Variants in PCDHA7 observed in about 807,000 individuals in gnomAD.
PCDHA7 encodes the protein protocadherin alpha-7.
In PCDHA7, 37 loss-of-function variants were observed where a neutral mutation model predicts 57.2. The ratio of observed to expected loss-of-function variants is 0.65; its 90% CI spans 0.50 to 0.85. The LOEUF (loss-of-function observed/expected upper bound fraction) is 0.85. PCDHA7 is among the 40% of genes least tolerant of loss of function. PCDHA7 has a pLI of 0.00. For missense variants in PCDHA7, 1,188 were observed against 1,241.8 expected, an observed-to-expected ratio of 0.96 and a Z score of 0.65; for synonymous variants, 553 against 558.8, an observed-to-expected ratio of 0.99 and a Z score of 0.15.
chr5:140,839,001 C>T (rs1775989279), intron 1 of PCDHA7, among the ~76,000 whole-genome samples: 1 of 151,970 alleles, frequency 6.6e-6, no homozygotes, highest in Admixed American at 6.6e-5. Context: ...TTCTAATATA[C>T]TTTAGTAAAT....
intron 1 of PCDHA7, chr5:140,858,397 CG>C (rs1314612729): frequency 2.5e-6 from 4 of 1,573,068 alleles, no homozygotes; most frequent in African/African-American, 2.7e-5. Context: ...TAGATGTGGA[CG>C]GGGAAGATCA....
intron 3 of PCDHA7, among the ~76,000 whole-genome samples, chr5:141,007,672 A>G (rs782403242): frequency 6.6e-6 from 1 of 152,194 alleles, no homozygotes; most frequent in African/African-American, 2.4e-5. Context: ...TACAAAGACA[A>G]AAGTTATCCT....
chr5:140,877,057 G>C, intron 1 of PCDHA7: 1 of 1,612,862 alleles, frequency 6.2e-7, no homozygotes. Flanking sequence ...CGAGGAGCTG[G>C]AGCTGCTGCA....
At chr5:140,968,124 G>T (rs202202452) in intron 1 of PCDHA7, 1 of 1,614,126 alleles carries the variant, frequency 6.2e-7, no homozygotes, top group Non-Finnish European at 8.5e-7. Flanking sequence ...ACATCCCTGC[G>T]TACACTGAAG....
At chr5:140,860,726 G>T (rs73263824) in intron 1 of PCDHA7, 23,037 of 152,060 alleles carry the variant, frequency 0.15, 1,806 homozygotes, top group Middle Eastern at 0.2. Context: ...AGTTTTTTTG[G>T]TTTTTTTGTT....
intron 2 of PCDHA7, 179 bp from the exon 3 acceptor site, chr5:140,982,296 C>G (rs886254601): frequency 8.6e-7 from 1 of 1,167,014 alleles, no homozygotes; most frequent in African/African-American, 1.5e-5. Context: ...AGTAAGTCAG[C>G]AATGCTTCTG....
chr5:140,856,155 A>G (rs533990024), intron 1 of PCDHA7: 1 of 1,598,294 alleles, frequency 6.3e-7, no homozygotes, highest in African/African-American at 1.3e-5. Context: ...TCAGTCTACG[A>G]GGAGGCCAGA....
At chr5:140,905,351 TTGACTA>T (rs2071764307) in intron 1 of PCDHA7, among the ~76,000 whole-genome samples, 1 of 152,208 alleles carries the variant, frequency 6.6e-6, no homozygotes, top group Non-Finnish European at 1.5e-5. Context: ...CTGTAAGTAT[TTGACTA>T]TATTTCTGGT....
chr5:140,949,591 T>A (rs1279124605), intron 1 of PCDHA7, among the ~76,000 whole-genome samples: 2 of 151,928 alleles, frequency 1.3e-5, no homozygotes, highest in Non-Finnish European at 2.9e-5. Flanking sequence ...GTGATATTAA[T>A]GTGGCCATTC....
chr5:140,850,953 C>A (rs2150503765), intron 1 of PCDHA7: 2 of 1,483,986 alleles, frequency 1.3e-6, no homozygotes, highest in Non-Finnish European at 1.8e-6. Context: ...TTATCGATTA[C>A]TCCCAGGGGC....
chr5:140,891,688 T>G (rs2063203967), intron 1 of PCDHA7, among the ~76,000 whole-genome samples: 1 of 152,224 alleles, frequency 6.6e-6, no homozygotes, highest in Non-Finnish European at 1.5e-5. Flanking sequence ...TCTCTCTTCT[T>G]GCTGTTGTCT....
chr5:141,005,000 G>A (rs2098192261), intron 3 of PCDHA7, among the ~76,000 whole-genome samples: 1 of 152,176 alleles, frequency 6.6e-6, no homozygotes, highest in Non-Finnish European at 1.5e-5. Context: ...GGTCTCCTAA[G>A]CCCTGAGAGC....
intron 1 of PCDHA7, chr5:140,853,184 T>G (rs1229624873): frequency 1.0e-6 from 1 of 977,906 alleles, no homozygotes; most frequent in East Asian, 1.1e-4. Context: ...TGGCCTAAAA[T>G]GTGTTCTTTA....
intron 1 of PCDHA7, among the ~76,000 whole-genome samples, chr5:140,963,688 G>A (rs185853589): frequency 5.9e-5 from 9 of 152,274 alleles, no homozygotes; most frequent in Admixed American, 5.9e-4. Context: ...GTTTATCCGT[G>A]TTTGATATCT....
intron 1 of PCDHA7, among the ~76,000 whole-genome samples, chr5:140,919,795 A>T (rs1554199259): frequency 6.6e-6 from 1 of 152,070 alleles, no homozygotes; most frequent in Non-Finnish European, 1.5e-5. Flanking sequence ...CTTGTGGTGG[A>T]TTGAATTGTG....
intron 1 of PCDHA7, chr5:140,870,842 T>G (rs781830221): frequency 6.2e-7 from 1 of 1,613,798 alleles, no homozygotes; most frequent in Non-Finnish European, 8.5e-7. Flanking sequence ...AACAAGCTAG[T>G]ACCGCGGTCG....
At chr5:140,877,696 T>C (rs1554169994) in intron 1 of PCDHA7, 1 of 1,613,838 alleles carries the variant, frequency 6.2e-7, no homozygotes, top group South Asian at 1.1e-5. Flanking sequence ...GCTGGTGTGC[T>C]CCAGCGCCGT....
rs79307553 is a variant in PCDHA7, at chr5:140,974,500, T to G, written c.2356-4449T>G. ...ACCCAGAATTCTCAAATGTATTACC[T>G]TTGTGTTTTATTTTATTTTAGTTTT... is the stretch of plus-strand genomic sequence containing the variant. On this transcript the variant is annotated intron_variant, in intron 1 of 3. Transcript: ENST00000525929. 8.7e-3 allele frequency among the ~76,000 whole-genome samples: 1,326 copies of G among 152,308 alleles called. 23 individuals carry two copies. Among genetic ancestry groups the G allele is most frequent in the African/African-American group, 0.03 (1,239 of 41,564 alleles).
Position 141,010,329 on chromosome 5 carries a change from G to A in PCDHA7, c.*392G>A. The A allele has an allele frequency of 6.5e-7, 1 of 1,538,672 alleles. No individual in the cohort carries two copies. Among genetic ancestry groups the A allele is most frequent in the Non-Finnish European group, 8.8e-7 (1 of 1,142,532 alleles). On this transcript the variant is annotated 3_prime_UTR_variant, in exon 4 of 4. Transcript: ENST00000525929. ...AGTTTTGAGATTGAGCAGCTTGGGA[G>A]TTTGTGGCCACTGGGTATGTGTGGC...
Sources: gnomAD v4.1 joint callset for allele counts (sites outside exome capture counted in the v4.1 genomes callset) on GRCh38, gnomAD v4.1.1 for gene constraint, MANE v1.5 for transcripts, NCBI Gene and HGNC (gene_info 2026-07-23, HGNC 2026-07-21) for gene names.